DPYD: variants seen among roughly 807,000 people sequenced by gnomAD.
DPYD encodes dihydropyrimidine dehydrogenase [NADP(+)].
In DPYD, 109 loss-of-function variants were observed where a neutral mutation model predicts 116.2. The observed-to-expected ratio is 0.94, with a 90% CI of 0.80 to 1.10. The LOEUF (loss-of-function observed/expected upper bound fraction) is 1.10. Ranked by LOEUF, DPYD falls within the 50% of genes least tolerant of loss-of-function variation. The pLI, the probability that DPYD is intolerant of heterozygous loss-of-function variation, is 0.00. For missense variants in DPYD, 1,302 were observed against 1,254.5 expected (o/e 1.04, Z -0.57); for synonymous variants, 440 against 432.0 (o/e 1.02, Z -0.23).
chr1:97,555,013 G>T (rs1199135894), intron 11 of DPYD, among the ~76,000 whole-genome samples: 1 of 151,442 alleles, frequency 6.6e-6, no homozygotes, highest in East Asian at 1.9e-4. Context: ...CCAATTTCTC[G>T]GTCATATACT....
chr1:97,293,568 T>C (rs1279524932), intron 18 of DPYD, among the ~76,000 whole-genome samples: 1 of 152,214 alleles, frequency 6.6e-6, no homozygotes. Flanking sequence ...CATAGTAAGA[T>C]GGCCTATATT....
At chr1:97,450,939 A>C (rs1172086516) in intron 13 of DPYD, among the ~76,000 whole-genome samples, 1 of 152,168 alleles carries the variant, frequency 6.6e-6, no homozygotes, top group Admixed American at 6.6e-5. Context: ...ACGAAGAAGA[A>C]TAACATTCTT....
chr1:97,085,310 T>A (rs1314438150), intron 21 of DPYD, among the ~76,000 whole-genome samples: 2 of 152,194 alleles, frequency 1.3e-5, no homozygotes, highest in African/African-American at 4.8e-5. Context: ...AAAAGAAACG[T>A]TGTATATGCC....
chr1:97,758,430 C>A (rs1022180753), intron 3 of DPYD, among the ~76,000 whole-genome samples: 6 of 151,348 alleles, frequency 4.0e-5, no homozygotes, highest in Non-Finnish European at 2.9e-5. Context: ...CTGAATGTTT[C>A]TTTACATGAG....
intron 5 of DPYD, among the ~76,000 whole-genome samples, chr1:97,716,618 T>A (rs1662629963): frequency 6.6e-6 from 1 of 152,004 alleles, no homozygotes; most frequent in African/African-American, 2.4e-5. Context: ...TATCCCTAGA[T>A]CCCTCCATCA....
chr1:97,170,056 G>A (rs1170359348), intron 20 of DPYD, among the ~76,000 whole-genome samples: 1 of 152,204 alleles, frequency 6.6e-6, no homozygotes, highest in African/African-American at 2.4e-5. Flanking sequence ...CTTCCAGGGA[G>A]AAATATGCAG....
At chr1:97,638,050 T>C (rs1272217378) in intron 8 of DPYD, among the ~76,000 whole-genome samples, 1 of 152,124 alleles carries the variant, frequency 6.6e-6, no homozygotes, top group African/African-American at 2.4e-5. Flanking sequence ...ATTAATGGTG[T>C]TCTCATAAAA....
chr1:97,127,719 A>G (rs1652956986), intron 20 of DPYD, among the ~76,000 whole-genome samples: 1 of 152,126 alleles, frequency 6.6e-6, no homozygotes, highest in African/African-American at 2.4e-5. Context: ...TACAGATTAT[A>G]TATTTTTTTA....
chr1:97,365,569 A>C (rs1670988549), intron 16 of DPYD, among the ~76,000 whole-genome samples: 1 of 152,236 alleles, frequency 6.6e-6, no homozygotes, highest in African/African-American at 2.4e-5. Context: ...AAACTTAAAA[A>C]ATACTTTTGT....
intron 13 of DPYD, among the ~76,000 whole-genome samples, chr1:97,461,360 G>A (rs1677022651): frequency 6.6e-6 from 1 of 152,040 alleles, no homozygotes; most frequent in Admixed American, 6.6e-5. Flanking sequence ...CTTTATTCTA[G>A]AGATTCCAAT....
chr1:97,332,431 A>G (rs1443767803), intron 16 of DPYD, among the ~76,000 whole-genome samples: 1 of 152,238 alleles, frequency 6.6e-6, no homozygotes, highest in African/African-American at 2.4e-5. Context: ...TAGTAATATT[A>G]AAGTAGAACT....
intron 12 of DPYD, chr1:97,546,219 C>A (rs1650845608): frequency 3.9e-6 from 6 of 1,535,770 alleles, no homozygotes; most frequent in Non-Finnish European, 4.5e-6. Context: ...ACGAGGATGG[C>A]AACAGAAGAG....
chr1:97,420,388 T>C lies in DPYD; in HGVS notation c.1905+29671A>G, dbSNP rs1230088708. Among the ~76,000 whole-genome samples, 3 of 152,196 alleles carry C rather than the reference T, an allele frequency of 2.0e-5. No individual in the cohort carries two copies. In the East Asian group the frequency reaches 5.8e-4, roughly 29 times the overall value. On this transcript the variant is annotated intron_variant, in intron 14 of 22. Coordinates refer to ENST00000370192, the MANE Select transcript of DPYD (RefSeq NM_000110.4). ...AGTCTGTGTTTAATGTGAAAACTTG[T>C]AGATTTTTTTACCTTGCCATGTTCA... is the stretch of plus-strand genomic sequence containing the variant.
chr1:97,608,391 G>C (rs1450665517), intron 8 of DPYD, among the ~76,000 whole-genome samples: 1 of 151,890 alleles, frequency 6.6e-6, no homozygotes, highest in African/African-American at 2.4e-5. Context: ...TTTTCTACTA[G>C]TGGGTTTGGA....
At chr1:97,688,385 A>T (rs1660845906) in intron 7 of DPYD, among the ~76,000 whole-genome samples, 1 of 152,126 alleles carries the variant, frequency 6.6e-6, no homozygotes. Flanking sequence ...TTGCTAATAA[A>T]TTCAAAAACC....
chr1:97,817,210 CTAAAAATACA>C lies in DPYD; in HGVS notation c.233+10894_233+10903del, dbSNP rs1668667827. On this transcript the variant is annotated intron_variant, in intron 3 of 22. Coordinates refer to ENST00000370192, the MANE Select transcript of DPYD (RefSeq NM_000110.4). ...GACAGAAATTATGTAGCCCAGAAAG[CTAAAAATACA>C]TGCTATCTGGCCTTTTACAATAAAA... Among the ~76,000 whole-genome samples the C allele has an allele frequency of 3.7e-4, 56 of 152,188 alleles. No homozygotes were observed. The South Asian group carries it at 0.011, about 31-fold the overall frequency.
At chr1:97,840,281 C>T (rs921068491) in intron 2 of DPYD, among the ~76,000 whole-genome samples, 12 of 151,848 alleles carry the variant, frequency 7.9e-5, no homozygotes, top group South Asian at 4.2e-4. Flanking sequence ...CCTTAATCAA[C>T]GAAATAGGAG....
intron 10 of DPYD, 108 bp from the exon 11 acceptor site, chr1:97,574,078 A>G (rs1653100249): frequency 5.3e-6 from 8 of 1,518,766 alleles, no homozygotes; most frequent in Non-Finnish European, 7.1e-6. Context: ...TTAAGTCAAT[A>G]TGCAGCTTTT....
At chr1:97,720,619 A>AGCTT in intron 5 of DPYD, 1 of 1,211,446 alleles carries the variant, frequency 8.3e-7, no homozygotes, top group Non-Finnish European at 1.0e-6. Flanking sequence ...GTGAGACTTA[A>AGCTT]GCTTGAGGAA....
Sources: gnomAD v4.1 joint callset for allele counts (sites outside exome capture counted in the v4.1 genomes callset) on GRCh38, gnomAD v4.1.1 for gene constraint, MANE v1.5 for transcripts, NCBI Gene and HGNC (gene_info 2026-07-23, HGNC 2026-07-21) for gene names.